The following UBN2 variants were observed in gnomAD, a reference collection of about 807,000 sequenced individuals.
UBN2 encodes the protein ubinuclein 2.
UBN2 carries 35 observed loss-of-function variants against 120.2 expected under a neutral mutation model. The observed-to-expected ratio is 0.29, with a 90% CI of 0.22 to 0.39. UBN2 has a LOEUF of 0.39. Ranked by LOEUF, UBN2 falls within the 10% of genes least tolerant of loss-of-function variation. The pLI is 1.00. For synonymous variants in UBN2, 661 were observed against 648.7 expected (o/e 1.02, Z -0.29); for missense variants, 1,693 against 1,663.2 (o/e 1.02, Z -0.31).
At chr7:139,325,929 G>A in the UBN2 span, among the ~76,000 whole-genome samples, 10 of 152,104 alleles carry the variant, frequency 6.6e-5, no homozygotes, top group East Asian at 1.9e-4. Flanking sequence ...GGTGGCTCAC[G>A]CCTGTAATCC....
rs1798341879 is a variant in UBN2 at position 139,305,445 on chromosome 7, C to G, written c.*7609C>G. On this transcript the variant is annotated 3_prime_UTR_variant, in exon 18 of 18. Transcript: ENST00000473989. ...AGCAGAGGATTCAGGCAGGGACTCT[C>G]AGGATTTTAATCAGACTGCCTTTGA... The G allele has an allele frequency of 6.6e-6, 1 of 152,206 alleles. No homozygotes were observed. The highest frequency in any genetic ancestry group is 1.5e-5 in the Non-Finnish European group (1 of 68,040). 9.4% of individuals were successfully genotyped at this position (152,206 alleles called of 1,614,324 possible). A position where few individuals can be genotyped will look rare whatever the true frequency, so the allele number is the denominator to read the frequency against.
intron 6 of UBN2, 96 bp from the exon 7 acceptor site, chr7:139,266,237 A>AG (rs1797095093): frequency 1.3e-6 from 1 of 783,546 alleles, no homozygotes; most frequent in Non-Finnish European, 2.0e-6. Context: ...AAAAAAAAAA[A>AG]AAAAAAAAGA....
chr7:139,286,184 T>G (rs912929432), intron 15 of UBN2, among the ~76,000 whole-genome samples: 2 of 152,194 alleles, frequency 1.3e-5, no homozygotes, highest in Non-Finnish European at 2.9e-5. Flanking sequence ...CACCTCGGCC[T>G]CCCAAAGTGC....
At chr7:139,324,213 C>A in the UBN2 span, among the ~76,000 whole-genome samples, 1 of 152,150 alleles carries the variant, frequency 6.6e-6, no homozygotes, top group African/African-American at 2.4e-5. Context: ...AATGGAGATC[C>A]TTAATGGGTC....
Position 139,237,120 on chromosome 7 carries a change from T to G in UBN2, c.561+23T>G, listed in dbSNP as rs774068935. 6.9e-5 allele frequency: 107 copies of G among 1,543,128 alleles called. No individual in the cohort carries two copies. In the East Asian group the frequency reaches 2.4e-3, roughly 35 times the overall value. Reference sequence around the variant, plus strand: ...TATGTGAGTATAATAAACTGATCACTTAGGTAATTTTATCCTATTGACCTG... The same window carrying G: ...TATGTGAGTATAATAAACTGATCACGTAGGTAATTTTATCCTATTGACCTG... On this transcript the variant is annotated intron_variant, in intron 2 of 17. Coordinates refer to ENST00000473989, the MANE Select transcript of UBN2 (RefSeq NM_173569.4).
At position 139,304,206 on chromosome 7, in the gene UBN2, A is replaced by G. The variant is rs1798318369; in HGVS notation, c.*6370A>G. The G allele has an allele frequency of 6.6e-6, 1 of 152,010 alleles. No individual in the cohort carries two copies. The highest frequency in any genetic ancestry group is 1.5e-5 in the Non-Finnish European group (1 of 68,034). The allele number at this position is 152,010 out of a possible 1,614,324, so 9.4% of individuals were successfully genotyped here. A position where few individuals can be genotyped will look rare whatever the true frequency, so the allele number is the denominator to read the frequency against. On this transcript the variant is annotated 3_prime_UTR_variant, in exon 18 of 18. Coordinates refer to ENST00000473989, the MANE Select transcript of UBN2 (RefSeq NM_173569.4). Reference sequence around the variant, plus strand: ...CAGTCAGCTGGATACTCTTGTAGCCATTGCACCTTTGTAATTCATGCTTCT... The same window carrying G: ...CAGTCAGCTGGATACTCTTGTAGCCGTTGCACCTTTGTAATTCATGCTTCT...
At chr7:139,311,637 GTCTC>G (rs1166097315), downstream of UBN2, among the ~76,000 whole-genome samples, 2 of 152,214 alleles carry the variant, frequency 1.3e-5, no homozygotes, top group Non-Finnish European at 2.9e-5. Context: ...CTATTATTCT[GTCTC>G]TCCTCTGTCT....
chr7:139,270,072 A>G (rs1585011000), intron 8 of UBN2, among the ~76,000 whole-genome samples: 2 of 152,258 alleles, frequency 1.3e-5, no homozygotes, highest in South Asian at 2.1e-4. Context: ...CCCTTTGGCT[A>G]TGGAAGAAAG....
intron 6 of UBN2, 101 bp downstream of exon 6, chr7:139,261,842 G>T: frequency 8.1e-7 from 1 of 1,238,560 alleles, no homozygotes; most frequent in Non-Finnish European, 1.1e-6. Flanking sequence ...TGGTATAATT[G>T]CTTTTGTTTT....
intron 6 of UBN2, 24 bp from the exon 7 acceptor site, chr7:139,266,308 AT>A: frequency 6.7e-7 from 1 of 1,482,834 alleles, no homozygotes. Context: ...ATTTTGATTT[AT>A]TATCATCTTT....
chr7:139,271,444 G>T (rs1411425697), intron 8 of UBN2, among the ~76,000 whole-genome samples: 1 of 152,034 alleles, frequency 6.6e-6, no homozygotes, highest in Non-Finnish European at 1.5e-5. Context: ...ATATTTGTTG[G>T]GTGTGGTGGC....
At position 139,284,245 on chromosome 7, in the gene UBN2, C is replaced by T. The variant is rs753042178; in HGVS notation, c.3340C>T (p.Pro1114Ser). The T allele has an allele frequency of 6.2e-7, 1 of 1,614,064 alleles. No individual in the cohort carries two copies. The highest frequency in any genetic ancestry group is 2.2e-5 in the East Asian group (1 of 44,894). Reference sequence around the variant, plus strand: ...CACTAACAGCCCAGTCCATAAACAGCCCAGTGGAATGAACATCAGCAGACA... The same window carrying T: ...CACTAACAGCCCAGTCCATAAACAGTCCAGTGGAATGAACATCAGCAGACA... Reference protein sequence around the residue: ...SSTNSPVHKQPSGMNISRQSP... With the variant: ...SSTNSPVHKQSSGMNISRQSP... The change falls in exon 15 of 18, where the codon CCC becomes TCC. Residue 1114 changes from proline (P) to serine (S), a missense_variant. This residue lies in a region of UBN2 where 837 missense variants were observed against 817.6 expected (regional missense o/e 1.02). Transcript: ENST00000473989.
At chr7:139,232,092 G>C (rs752950043) in intron 1 of UBN2, 140 bp downstream of exon 1, 37 of 743,938 alleles carry the variant, frequency 5.0e-5, no homozygotes, top group Non-Finnish European at 7.3e-5. Flanking sequence ...CCGGGGCCGA[G>C]CGGGTGGACG....
At chr7:139,316,574 T>C in the UBN2 span, among the ~76,000 whole-genome samples, 2 of 152,102 alleles carry the variant, frequency 1.3e-5, no homozygotes, top group African/African-American at 4.8e-5. Flanking sequence ...TGAAAACCTG[T>C]CTCTACTACA....
At chr7:139,274,500 T>A (rs969312267) in intron 11 of UBN2, among the ~76,000 whole-genome samples, 8 of 152,142 alleles carry the variant, frequency 5.3e-5, no homozygotes, top group Non-Finnish European at 7.4e-5. Flanking sequence ...CAGTGGCTTA[T>A]GCCTGTAATC....
In UBN2 at chr7:139,305,850, A is replaced by C. The variant is rs1406741945; in HGVS notation, c.*8014A>C. 6.6e-6 allele frequency: 1 copy of C among 152,116 alleles called. No individual in the cohort carries two copies. Among genetic ancestry groups the C allele is most frequent in the Non-Finnish European group, 1.5e-5 (1 of 68,024 alleles). The allele number at this position is 152,116 out of a possible 1,614,324, so 9.4% of individuals were successfully genotyped here. On this transcript the variant is annotated 3_prime_UTR_variant, in exon 18 of 18. Coordinates refer to ENST00000473989, the MANE Select transcript of UBN2 (RefSeq NM_173569.4). ...CTTGTTACTTTTCAAGGTTATTCTA[A>C]AGAGATGGAGATCTTCATTAGAGGC...
chr7:139,236,281 A>T (rs1421891004), intron 1 of UBN2, among the ~76,000 whole-genome samples: 1 of 152,198 alleles, frequency 6.6e-6, no homozygotes, highest in Non-Finnish European at 1.5e-5. Flanking sequence ...ATGGTAATGT[A>T]ATCTTTTTGC....
intron 1 of UBN2, among the ~76,000 whole-genome samples, chr7:139,234,132 A>G (rs1212570965): frequency 1.3e-5 from 2 of 152,160 alleles, no homozygotes; most frequent in African/African-American, 2.4e-5. Context: ...AAGAGAGACC[A>G]TCAAAAAGCA....
At chr7:139,318,384 T>G in the UBN2 span, among the ~76,000 whole-genome samples, 1 of 152,226 alleles carries the variant, frequency 6.6e-6, no homozygotes, top group African/African-American at 2.4e-5. Flanking sequence ...ATTCTGCAGT[T>G]TACGGTTTTT....
Sources: allele counts gnomAD v4.1 joint callset (sites outside exome capture counted in the v4.1 genomes callset), GRCh38; gene constraint gnomAD v4.1.1; regional missense constraint gnomAD v4.1.1; transcripts MANE v1.5; gene names NCBI Gene and HGNC (gene_info 2026-07-23, HGNC 2026-07-21).